GRIA4: variants seen among roughly 807,000 people sequenced by gnomAD.
GRIA4 encodes glutamate ionotropic receptor AMPA type subunit 4.
Under a neutral mutation model 104.0 loss-of-function variants are expected in GRIA4, and 34 were observed. The observed-to-expected ratio is 0.33, with a 90% CI of 0.25 to 0.44. The LOEUF is 0.44. GRIA4 is among the 20% of genes least tolerant of loss of function. The pLI is 1.00. For synonymous variants in GRIA4, 386 were observed against 381.9 expected (o/e 1.01, Z -0.13); for missense variants, 750 against 1,096.5 (o/e 0.68, Z 4.46).
chr11:105,740,065 T>C (rs540228049), intron 3 of GRIA4, among the ~76,000 whole-genome samples: 1 of 152,204 alleles, frequency 6.6e-6, no homozygotes, highest in Non-Finnish European at 1.5e-5. Context: ...AAATTAAATG[T>C]ATGAAAATGA....
chr11:105,658,825 T>C (rs187475937), intron 3 of GRIA4, among the ~76,000 whole-genome samples: 18 of 152,030 alleles, frequency 1.2e-4, no homozygotes, highest in African/African-American at 4.3e-4. Flanking sequence ...AATAATTTTT[T>C]TCTTACATGT....
chr11:105,972,312 A>G (rs549442851), intron 15 of GRIA4, among the ~76,000 whole-genome samples: 2 of 152,316 alleles, frequency 1.3e-5, no homozygotes, highest in South Asian at 2.1e-4. Context: ...TCATAAAAGT[A>G]GTGTTTTTTG....
chr11:105,842,849 C>T (rs1447535838), intron 4 of GRIA4: 1 of 152,192 alleles, frequency 6.6e-6, no homozygotes, highest in African/African-American at 2.4e-5. Flanking sequence ...AGAATTCTTA[C>T]TGCATATCTG....
At chr11:105,650,022 A>G (rs1951641497) in intron 3 of GRIA4, among the ~76,000 whole-genome samples, 1 of 152,146 alleles carries the variant, frequency 6.6e-6, no homozygotes, top group African/African-American at 2.4e-5. Context: ...TCAGAACCCA[A>G]ACCAACATGT....
At chr11:105,760,163 G>T (rs1940542621) in intron 4 of GRIA4, among the ~76,000 whole-genome samples, 1 of 151,962 alleles carries the variant, frequency 6.6e-6, no homozygotes, top group Non-Finnish European at 1.5e-5. Context: ...TTGCTTCCTT[G>T]CTTCTTCTGG....
intron 3 of GRIA4, among the ~76,000 whole-genome samples, chr11:105,616,218 T>C (rs1591442624): frequency 6.6e-6 from 1 of 151,888 alleles, no homozygotes; most frequent in Non-Finnish European, 1.5e-5. Flanking sequence ...TCTCTTTTTC[T>C]AGCTAGAATC....
At chr11:105,710,285 C>T (rs1314633279) in intron 3 of GRIA4, among the ~76,000 whole-genome samples, 2 of 151,986 alleles carry the variant, frequency 1.3e-5, no homozygotes, top group Non-Finnish European at 2.9e-5. Context: ...AAAGAAACAC[C>T]TTTTCCTACT....
In GRIA4 at chr11:105,979,925, C is replaced by A; in HGVS notation, c.*186C>A. On this transcript the variant is annotated 3_prime_UTR_variant, in exon 17 of 17. Coordinates refer to ENST00000282499, the MANE Select transcript of GRIA4 (RefSeq NM_000829.4). The stretch of plus-strand genomic sequence containing the variant: ...TGTGCATGAGCTCAGCTCGGAAACC[C>A]AAACTCAGATTTTATATCAGGAAAA... 62 of 402,204 alleles carry A rather than the reference C, an allele frequency of 1.5e-4. No homozygotes were observed. The highest frequency in any genetic ancestry group is 2.4e-4 in the Non-Finnish European group (52 of 217,616). 24.9% of individuals were successfully genotyped at this position (402,204 alleles called of 1,614,324 possible). A position where few individuals can be genotyped will look rare whatever the true frequency, so the allele number is the denominator to read the frequency against.
intron 14 of GRIA4, among the ~76,000 whole-genome samples, chr11:105,939,530 G>T (rs1160315760): frequency 6.6e-6 from 1 of 152,034 alleles, no homozygotes; most frequent in Admixed American, 6.6e-5. Flanking sequence ...GCATTCTCTG[G>T]ACCCATATTT....
chr11:105,925,334 GT>G (rs1217678737), intron 12 of GRIA4, among the ~76,000 whole-genome samples: 1 of 152,080 alleles, frequency 6.6e-6, no homozygotes, highest in Non-Finnish European at 1.5e-5. Flanking sequence ...TTATGGAAAT[GT>G]TTTTCAATAT....
At chr11:105,810,439 A>G (rs1290929817) in intron 4 of GRIA4, among the ~76,000 whole-genome samples, 2 of 152,174 alleles carry the variant, frequency 1.3e-5, no homozygotes, top group Non-Finnish European at 2.9e-5. Flanking sequence ...AGGACCTAAT[A>G]GACTCCAGGC....
At chr11:105,667,033 T>C (rs1952187277) in intron 3 of GRIA4, among the ~76,000 whole-genome samples, 1 of 151,992 alleles carries the variant, frequency 6.6e-6, no homozygotes, top group Admixed American at 6.6e-5. Flanking sequence ...GATTTCCTAA[T>C]TATATGTTTA....
rs549639492 is a variant in GRIA4 at position 105,906,763 on chromosome 11, G to A, written c.1158+1462G>A. Among the ~76,000 whole-genome samples the A allele has an allele frequency of 2.7e-3, 408 of 152,200 alleles. 1 individual carries two copies. The highest frequency in any genetic ancestry group is 0.01 in the Middle Eastern group (3 of 294). On this transcript the variant is annotated intron_variant, in intron 9 of 16. Coordinates refer to ENST00000282499, the MANE Select transcript of GRIA4 (RefSeq NM_000829.4). ...CACAGCAGGCTCTTCTAAGGAGATT[G>A]ACTGAAGCAAGGGAAGGAGATGTTA...
chr11:105,809,350 T>C (rs1456273798), intron 4 of GRIA4, among the ~76,000 whole-genome samples: 1 of 152,164 alleles, frequency 6.6e-6, no homozygotes, highest in East Asian at 1.9e-4. Context: ...TTATCATTTA[T>C]TTGTGTTGGC....
At chr11:105,896,996 G>A (rs900528510) in intron 6 of GRIA4, among the ~76,000 whole-genome samples, 3 of 152,010 alleles carry the variant, frequency 2.0e-5, no homozygotes, top group African/African-American at 7.3e-5. Context: ...AGATTGTTTT[G>A]GGCAATGTAA....
intron 4 of GRIA4, among the ~76,000 whole-genome samples, chr11:105,756,592 T>C (rs1178344064): frequency 1.3e-5 from 2 of 151,914 alleles, no homozygotes; most frequent in African/African-American, 2.4e-5. Flanking sequence ...TCTTTAATAT[T>C]TGACAGTACT....
At chr11:105,933,634 A>T (rs1213945191) in intron 13 of GRIA4, 88 bp from the exon 14 acceptor site, 33 of 966,886 alleles carry the variant, frequency 3.4e-5, no homozygotes, top group Non-Finnish European at 4.4e-5. Context: ...GAAAGATACT[A>T]AAACGCTTTA....
At chr11:105,852,375 A>G (rs1240864235) in intron 4 of GRIA4, among the ~76,000 whole-genome samples, 9 of 152,206 alleles carry the variant, frequency 5.9e-5, no homozygotes, top group Non-Finnish European at 1.2e-4. Context: ...ATTTTTATTT[A>G]CAGCTATAGA....
chr11:105,924,914 C>T (rs1947663944), intron 12 of GRIA4, 145 bp downstream of exon 12: 2 of 600,288 alleles, frequency 3.3e-6, no homozygotes, highest in South Asian at 2.9e-5. Context: ...ATAGCAATTT[C>T]TTCCAAGTTA....
Sources: gnomAD v4.1 joint callset for allele counts (sites outside exome capture counted in the v4.1 genomes callset) on GRCh38, gnomAD v4.1.1 for gene constraint, MANE v1.5 for transcripts, NCBI Gene and HGNC (gene_info 2026-07-23, HGNC 2026-07-21) for gene names.